CDH10: variants seen among roughly 807,000 people sequenced by gnomAD.
CDH10 encodes cadherin-10.
Under a neutral mutation model 73.1 loss-of-function variants are expected in CDH10, and 30 were observed. That is an observed-to-expected ratio of 0.41 (90% CI 0.31 to 0.56). CDH10 has a LOEUF of 0.56. Among genes scored for constraint, CDH10 ranks in the 20% least tolerant of loss-of-function variants. The pLI is 0.27. For missense variants in CDH10, 815 were observed against 973.7 expected, an observed-to-expected ratio of 0.84 and a Z score of 2.17; for synonymous variants, 345 against 348.2, an observed-to-expected ratio of 0.99 and a Z score of 0.10.
intron 2 of CDH10, among the ~76,000 whole-genome samples, chr5:24,574,060 T>C (rs995479252): frequency 3.3e-5 from 5 of 151,586 alleles, no homozygotes; most frequent in African/African-American, 1.2e-4. Context: ...AATTTTTTCG[T>C]ATTTTTAGTA....
rs1296450442 is a variant in CDH10, at chr5:24,532,001, A to G, written c.814+3111T>C. Among the ~76,000 whole-genome samples the G allele has an allele frequency of 2.0e-5, 3 of 152,160 alleles. No homozygotes were observed. In the East Asian group the frequency reaches 5.8e-4, roughly 29 times the overall value. The stretch of plus-strand genomic sequence containing the variant: ...TAGTACTTGGCAGTTGACATAATCA[A>G]AAACGTCTTGGGACATTGCCAAATG... On this transcript the variant is annotated intron_variant, in intron 5 of 11. Coordinates refer to ENST00000264463, the MANE Select transcript of CDH10 (RefSeq NM_006727.5).
At chr5:24,635,114 C>A (rs933728268) in intron 1 of CDH10, among the ~76,000 whole-genome samples, 1 of 151,774 alleles carries the variant, frequency 6.6e-6, no homozygotes, top group African/African-American at 2.4e-5. Context: ...TCACATTTTG[C>A]AGCAGGTTCT....
chr5:24,602,555 C>G (rs1177288300), intron 1 of CDH10, among the ~76,000 whole-genome samples: 1 of 152,112 alleles, frequency 6.6e-6, no homozygotes, highest in African/African-American at 2.4e-5. Flanking sequence ...TGTTACAGCA[C>G]TTTTTACCTA....
intron 9 of CDH10, among the ~76,000 whole-genome samples, chr5:24,496,638 G>A (rs1335364711): frequency 6.6e-6 from 1 of 152,178 alleles, no homozygotes; most frequent in East Asian, 1.9e-4. Context: ...TACTCTTAAA[G>A]AGCAGTTAAT....
At chr5:24,640,533 GAA>G (rs70965623) in intron 1 of CDH10, among the ~76,000 whole-genome samples, 1 of 143,682 alleles carries the variant, frequency 7.0e-6, no homozygotes, top group Non-Finnish European at 1.5e-5. Flanking sequence ...CTACTTTCTT[GAA>G]AAAAAAAAAG....
At chr5:24,554,595 T>A (rs1488281662) in intron 2 of CDH10, among the ~76,000 whole-genome samples, 1 of 152,066 alleles carries the variant, frequency 6.6e-6, no homozygotes, top group African/African-American at 2.4e-5. Flanking sequence ...TATCCTATGA[T>A]CCTAATATTT....
intron 1 of CDH10, among the ~76,000 whole-genome samples, chr5:24,611,276 C>A (rs1190829532): frequency 1.3e-5 from 2 of 152,258 alleles, no homozygotes; most frequent in East Asian, 3.9e-4. Context: ...TAGCTTGTAA[C>A]TGGTTAAACC....
chr5:24,644,318 G>T (rs2112229375), intron 1 of CDH10, among the ~76,000 whole-genome samples: 1 of 152,236 alleles, frequency 6.6e-6, no homozygotes, highest in East Asian at 1.9e-4. Flanking sequence ...CCAAGTGAAT[G>T]AATTCACAAA....
At chr5:24,572,970 A>G (rs1430155938) in intron 2 of CDH10, among the ~76,000 whole-genome samples, 1 of 150,440 alleles carries the variant, frequency 6.6e-6, no homozygotes, top group Non-Finnish European at 1.5e-5. Context: ...GAAGAAGAGA[A>G]GACAGAACAA....
intron 1 of CDH10, among the ~76,000 whole-genome samples, chr5:24,630,373 G>A (rs928361627): frequency 6.6e-6 from 1 of 151,788 alleles, no homozygotes; most frequent in African/African-American, 2.4e-5. Context: ...CCAATATGGT[G>A]GAACCCCATC....
chr5:24,558,606 A>G (rs1487473187), intron 2 of CDH10, among the ~76,000 whole-genome samples: 1 of 151,838 alleles, frequency 6.6e-6, no homozygotes, highest in Non-Finnish European at 1.5e-5. Context: ...ACTTGAAGAT[A>G]TAATAAAATA....
Position 24,505,212 on chromosome 5 carries a change from G to T in CDH10, c.1293C>A (p.Ile431=), listed in dbSNP as rs2111727302. ...ATCCATTTCCTGAATGAATGTTAAAGATTCTGTCAAGGTCAGTATGGCGAT... is the reference window on the plus strand; with the variant it reads ...ATCCATTTCCTGAATGAATGTTAAATATTCTGTCAAGGTCAGTATGGCGAT... The part of the protein sequence containing the change: ...SLDRHTDLDR[I]FNIHSGNGSL... Residue 431 remains isoleucine (I), a synonymous_variant, in exon 8 of 12, where the codon ATC becomes ATA. Coordinates refer to ENST00000264463, the MANE Select transcript of CDH10 (RefSeq NM_006727.5). 6.2e-7 allele frequency: 1 copy of T among 1,612,688 alleles called. No individual in the cohort carries two copies. The highest frequency in any genetic ancestry group is 8.5e-7 in the Non-Finnish European group (1 of 1,178,844).
At chr5:24,567,250 CAG>C (rs1745196987) in intron 2 of CDH10, among the ~76,000 whole-genome samples, 1 of 151,744 alleles carries the variant, frequency 6.6e-6, no homozygotes. Flanking sequence ...CTAATTGTGA[CAG>C]TGTAAATTTT....
chr5:24,565,006 T>C (rs1245267165), intron 2 of CDH10, among the ~76,000 whole-genome samples: 1 of 152,244 alleles, frequency 6.6e-6, no homozygotes, highest in Non-Finnish European at 1.5e-5. Context: ...CCCTGTACAG[T>C]AAATTTCCTT....
chr5:24,514,518 C>G (rs961762421), intron 5 of CDH10, among the ~76,000 whole-genome samples: 10 of 152,076 alleles, frequency 6.6e-5, no homozygotes, highest in Admixed American at 2.0e-4. Context: ...ATCATAAATT[C>G]TAACCTGTTG....
chr5:24,547,813 CT>C (rs1319240639), intron 2 of CDH10, among the ~76,000 whole-genome samples: 2 of 152,196 alleles, frequency 1.3e-5, no homozygotes, highest in African/African-American at 4.8e-5. Context: ...CCTCTAGAAA[CT>C]AAACATACAC....
chr5:24,627,858 C>A (rs1377321878), intron 1 of CDH10, among the ~76,000 whole-genome samples: 1 of 152,044 alleles, frequency 6.6e-6, no homozygotes, highest in Non-Finnish European at 1.5e-5. Flanking sequence ...TACTGCACAG[C>A]ACACACGCAC....
intron 5 of CDH10, among the ~76,000 whole-genome samples, chr5:24,534,820 G>A (rs1377052533): frequency 1.3e-5 from 2 of 152,028 alleles, no homozygotes; most frequent in Non-Finnish European, 1.5e-5. Context: ...TTTGTTAGCT[G>A]AAAGAAACAG....
At chr5:24,626,465 A>G (rs1747503589) in intron 1 of CDH10, among the ~76,000 whole-genome samples, 1 of 152,150 alleles carries the variant, frequency 6.6e-6, no homozygotes, top group Admixed American at 6.6e-5. Flanking sequence ...GTAATTTGAT[A>G]GAAGAGTTAC....
Sources: gnomAD v4.1 joint callset for allele counts (sites outside exome capture counted in the v4.1 genomes callset) on GRCh38, gnomAD v4.1.1 for gene constraint, MANE v1.5 for transcripts, NCBI Gene and HGNC (gene_info 2026-07-23, HGNC 2026-07-21) for gene names.